GRM7: variants seen among roughly 807,000 people sequenced by gnomAD.
GRM7 encodes the protein glutamate metabotropic receptor 7.
In GRM7, 35 loss-of-function variants were observed where a neutral mutation model predicts 84.5. The observed-to-expected ratio is 0.41, with a 90% CI of 0.32 to 0.55. The LOEUF is 0.55. Among genes scored for constraint, GRM7 ranks in the 20% least tolerant of loss-of-function variants. GRM7 has a pLI of 0.19. For synonymous variants in GRM7, 487 were observed against 455.1 expected (o/e 1.07, Z -0.89); for missense variants, 1,003 against 1,194.6 (o/e 0.84, Z 2.36).
chr3:7,048,322 T>C (rs1235329205), intron 1 of GRM7, among the ~76,000 whole-genome samples: 1 of 151,974 alleles, frequency 6.6e-6, no homozygotes, highest in Non-Finnish European at 1.5e-5. Context: ...TTTTATTTTT[T>C]CTTGGTTGTT....
chr3:7,430,654 A>G (rs974061285), intron 5 of GRM7, among the ~76,000 whole-genome samples: 5 of 152,206 alleles, frequency 3.3e-5, no homozygotes, highest in African/African-American at 1.2e-4. Flanking sequence ...CTTGTGCAGA[A>G]ATGTTCACAT....
At chr3:7,045,119 G>A (rs1696757310) in intron 1 of GRM7, among the ~76,000 whole-genome samples, 1 of 152,152 alleles carries the variant, frequency 6.6e-6, no homozygotes, top group South Asian at 2.1e-4. Flanking sequence ...TCATGACTAT[G>A]AAATGTTACA....
chr3:7,495,586 A>G (rs1258921473), intron 7 of GRM7, among the ~76,000 whole-genome samples: 1 of 152,044 alleles, frequency 6.6e-6, no homozygotes, highest in African/African-American at 2.4e-5. Context: ...ATCTCTCAAG[A>G]GAAAAAAAGA....
chr3:6,938,985 A>G (rs2125053915), intron 1 of GRM7, among the ~76,000 whole-genome samples: 1 of 152,310 alleles, frequency 6.6e-6, no homozygotes, highest in African/African-American at 2.4e-5. Flanking sequence ...CAGTGCATAA[A>G]CTAACCCCTC....
At chr3:6,923,672 C>T (rs973460167) in intron 1 of GRM7, among the ~76,000 whole-genome samples, 3 of 152,166 alleles carry the variant, frequency 2.0e-5, no homozygotes, top group African/African-American at 7.2e-5. Context: ...CACATCAACA[C>T]TTATTTTAGA....
intron 4 of GRM7, among the ~76,000 whole-genome samples, chr3:7,395,276 A>ATCTATGATGATGTG (rs1356898366): frequency 1.3e-5 from 2 of 152,162 alleles, no homozygotes; most frequent in African/African-American, 4.8e-5. Flanking sequence ...ATGATGATGT[A>ATCTATGATGATGTG]TCTATGATGA....
chr3:7,020,861 T>C (rs1404346223), intron 1 of GRM7, among the ~76,000 whole-genome samples: 6 of 152,178 alleles, frequency 3.9e-5, no homozygotes, highest in Admixed American at 3.9e-4. Context: ...CTGAGTCCAG[T>C]TGACAGAATG....
chr3:7,377,163 A>G (rs938814261), intron 4 of GRM7, among the ~76,000 whole-genome samples: 2 of 152,216 alleles, frequency 1.3e-5, no homozygotes, highest in Non-Finnish European at 2.9e-5. Flanking sequence ...AATACTGTTC[A>G]ATCTGCATGG....
intron 8 of GRM7, among the ~76,000 whole-genome samples, chr3:7,651,089 A>C (rs977155325): frequency 6.6e-6 from 1 of 152,210 alleles, no homozygotes; most frequent in African/African-American, 2.4e-5. Flanking sequence ...CAGGGTGTTC[A>C]TACAGTTCAC....
At chr3:6,980,390 C>T (rs1175770605) in intron 1 of GRM7, among the ~76,000 whole-genome samples, 1 of 152,022 alleles carries the variant, frequency 6.6e-6, no homozygotes, top group South Asian at 2.1e-4. Context: ...GTAATGGAGC[C>T]ATGGGTGAAT....
intron 1 of GRM7, among the ~76,000 whole-genome samples, chr3:7,072,806 A>C (rs1310693975): frequency 3.3e-5 from 5 of 152,240 alleles, no homozygotes; most frequent in African/African-American, 9.6e-5. Flanking sequence ...AAGGATATTG[A>C]TAGAAAGGAT....
intron 2 of GRM7, among the ~76,000 whole-genome samples, chr3:7,182,385 T>C (rs989526444): frequency 1.3e-5 from 2 of 152,222 alleles, no homozygotes; most frequent in Non-Finnish European, 2.9e-5. Context: ...CTCTGATATC[T>C]TATGGATATT....
intron 7 of GRM7, among the ~76,000 whole-genome samples, chr3:7,472,513 A>G (rs1288469564): frequency 2.6e-5 from 4 of 152,206 alleles, no homozygotes; most frequent in African/African-American, 9.6e-5. Context: ...AAGATGGAAG[A>G]TTAATAGGAA....
At chr3:6,951,168 T>G (rs1285849187) in intron 1 of GRM7, among the ~76,000 whole-genome samples, 1 of 152,244 alleles carries the variant, frequency 6.6e-6, no homozygotes, top group African/African-American at 2.4e-5. Flanking sequence ...CTGTTCCTAT[T>G]CGGCCATCTT....
chr3:7,318,480 A>G (rs780774024), intron 4 of GRM7, among the ~76,000 whole-genome samples: 55 of 152,106 alleles, frequency 3.6e-4, no homozygotes, highest in Non-Finnish European at 7.5e-4. Flanking sequence ...ATGAAAGCAA[A>G]TCAGTAGAGG....
chr3:7,189,480 T>C (rs1695634806), intron 2 of GRM7, among the ~76,000 whole-genome samples: 1 of 152,228 alleles, frequency 6.6e-6, no homozygotes. Flanking sequence ...TTGCCTGGCA[T>C]ATAGCAAATG....
chr3:7,620,962 T>C (rs527491487), intron 8 of GRM7, among the ~76,000 whole-genome samples: 3 of 152,246 alleles, frequency 2.0e-5, no homozygotes, highest in South Asian at 4.1e-4. Context: ...AAGCCTGCCA[T>C]AGAGGAGGGG....
chr3:7,439,456 G>A (rs1697195758), intron 5 of GRM7, among the ~76,000 whole-genome samples: 1 of 152,276 alleles, frequency 6.6e-6, no homozygotes, highest in Admixed American at 6.5e-5. Flanking sequence ...GGCTACTACT[G>A]TTTCTGTGAA....
intron 1 of GRM7, among the ~76,000 whole-genome samples, chr3:7,019,379 G>C (rs1045203855): frequency 6.6e-6 from 1 of 152,058 alleles, no homozygotes; most frequent in African/African-American, 2.4e-5. Context: ...GCATGATGTC[G>C]TGTCCGCTAT....
Sources: gnomAD v4.1 joint callset for allele counts (sites outside exome capture counted in the v4.1 genomes callset) on GRCh38, gnomAD v4.1.1 for gene constraint, MANE v1.5 for transcripts, NCBI Gene and HGNC (gene_info 2026-07-23, HGNC 2026-07-21) for gene names.